The following BEND6 variants were observed in gnomAD, a reference collection of about 807,000 sequenced individuals.
BEND6 encodes the protein BEN domain-containing protein 6.
BEND6 carries 24 observed loss-of-function variants against 31.8 expected under a neutral mutation model. The ratio of observed to expected loss-of-function variants is 0.75; its 90% CI spans 0.55 to 1.06. The LOEUF (loss-of-function observed/expected upper bound fraction) is 1.06. Ranked by LOEUF, BEND6 falls within the 50% of genes least tolerant of loss-of-function variation. The pLI is 0.00. For synonymous variants in BEND6, 109 were observed against 114.6 expected (o/e 0.95, Z 0.31); for missense variants, 294 against 327.4 (o/e 0.90, Z 0.79).
At chr6:56,968,995 A>C (rs1342973772) in intron 1 of BEND6, among the ~76,000 whole-genome samples, 1 of 151,936 alleles carries the variant, frequency 6.6e-6, no homozygotes, top group African/African-American at 2.4e-5. Context: ...GAATCACTTG[A>C]ACCCAGGAGG....
In BEND6 at chr6:56,974,078, G is replaced by T. The variant is rs78263307; in HGVS notation, c.-100-7633G>T. On this transcript the variant is annotated intron_variant, in intron 1 of 6. Coordinates refer to ENST00000370746, the MANE Select transcript of BEND6 (RefSeq NM_152731.3). ...TAAACTTACAGATTATTTATTTCTG[G>T]AATTTCCCATTTAATGTTTTCAGAC... Among the ~76,000 whole-genome samples the T allele has an allele frequency of 9.4e-3, 1,431 of 152,288 alleles. 21 individuals are homozygous for T. The highest frequency in any genetic ancestry group is 0.033 in the African/African-American group (1,354 of 41,558).
At chr6:56,977,609 T>TA (rs1825926007) in intron 1 of BEND6, among the ~76,000 whole-genome samples, 2 of 152,190 alleles carry the variant, frequency 1.3e-5, no homozygotes, top group Admixed American at 1.3e-4. Flanking sequence ...TGTGTATTTT[T>TA]AAAAAATAGC....
At chr6:56,968,747 C>G (rs1483853200) in intron 1 of BEND6, among the ~76,000 whole-genome samples, 8 of 151,958 alleles carry the variant, frequency 5.3e-5, no homozygotes, top group Admixed American at 5.2e-4. Context: ...ATTGCCAGAA[C>G]AACTTGGAAA....
intron 3 of BEND6, chr6:57,008,357 A>G (rs1487216451): frequency 1.6e-6 from 1 of 633,666 alleles, no homozygotes; most frequent in Non-Finnish European, 2.8e-6. Flanking sequence ...ATCATGTTTC[A>G]TTTCTAGCTT....
rs771815863 is a variant in BEND6, at chr6:57,018,411, T to C, written c.713-10T>C. 7.0e-6 allele frequency: 11 copies of C among 1,579,448 alleles called. No individual in the cohort carries two copies. Among genetic ancestry groups the C allele is most frequent in the Non-Finnish European group, 8.6e-6 (10 of 1,169,374 alleles). Reference sequence around the variant, plus strand: ...GAAGTTTCTCATGTGTCGCTATTGGTTTTTTACAGGAGTAACAAAACAATT... The same window carrying C: ...GAAGTTTCTCATGTGTCGCTATTGGCTTTTTACAGGAGTAACAAAACAATT... On this transcript the variant is annotated splice_polypyrimidine_tract_variant and intron_variant, in intron 5 of 6. Transcript: ENST00000370746.
intron 3 of BEND6, chr6:57,004,760 A>G: frequency 9.1e-7 from 1 of 1,095,162 alleles, no homozygotes; most frequent in Admixed American, 1.7e-5. Flanking sequence ...GAGACACATC[A>G]CCTGAATGAG....
At chr6:57,020,838 T>C (rs1016022397) in intron 6 of BEND6, among the ~76,000 whole-genome samples, 1 of 149,544 alleles carries the variant, frequency 6.7e-6, no homozygotes. Context: ...CTCTTGTTTT[T>C]TTTTTTTTTT....
At chr6:57,014,168 A>G (rs2127889355) in intron 3 of BEND6, 1 of 236,940 alleles carries the variant, frequency 4.2e-6, no homozygotes, top group South Asian at 1.8e-4. Context: ...GTAATTACTG[A>G]TGGAATAAGT....
chr6:56,990,244 C>T (rs866969743), intron 2 of BEND6, among the ~76,000 whole-genome samples: 12 of 146,080 alleles, frequency 8.2e-5, no homozygotes, highest in Middle Eastern at 7.1e-3. Flanking sequence ...TTGGGCCACT[C>T]GCTTCTTTTT....
In BEND6 at chr6:57,018,448, C is replaced by G; in HGVS notation, c.740C>G (p.Thr247Arg). ...IGVTKQLFPN[T>R]DDVSIRRMIG... ...GTAACAAAACAATTATTTCCCAATACGGATGATGTTTCAATTAGGAGAATG... is the reference window on the plus strand; with the variant it reads ...GTAACAAAACAATTATTTCCCAATAGGGATGATGTTTCAATTAGGAGAATG... Residue 247 changes from threonine to arginine, a missense_variant, in exon 6 of 7, where the codon ACG becomes AGG. By Grantham distance (71) the Thr-to-Arg change is moderately conservative (BLOSUM62 -1). Transcript: ENST00000370746. The G allele has an allele frequency of 6.3e-7, 1 of 1,582,512 alleles. No individual in the cohort carries two copies. Among genetic ancestry groups the G allele is most frequent in the Non-Finnish European group, 8.5e-7 (1 of 1,169,786 alleles).
Position 57,017,337 on chromosome 6 carries a change from C to T in BEND6, c.650C>T (p.Ser217Phe). 2.8e-6 allele frequency: 4 copies of T among 1,446,620 alleles called. No individual in the cohort carries two copies. The highest frequency in any genetic ancestry group is 3.7e-6 in the Non-Finnish European group (4 of 1,095,290). The allele number at this position is 1,446,620 out of a possible 1,614,324, so 89.6% of individuals were successfully genotyped here. The change falls in exon 5 of 7, where the codon TCT (serine) becomes TTT (phenylalanine). Residue 217 changes from serine (S) to phenylalanine (F), a missense_variant. Physicochemically the swap from Ser to Phe is radical, Grantham distance 155. Coordinates refer to ENST00000370746, the MANE Select transcript of BEND6 (RefSeq NM_152731.3). ...CACAGCCTGACAGGGGCAAAATCCT[C>T]TACTTCAAGGGACAAAGCTGTAAAA... ...ATHSLTGAKS[S>F]TSRDKAVKPA...
At chr6:56,984,638 TG>T (rs1330733334) in intron 2 of BEND6, among the ~76,000 whole-genome samples, 4 of 152,246 alleles carry the variant, frequency 2.6e-5, no homozygotes, top group African/African-American at 4.8e-5. Context: ...ATTTCTTTTT[TG>T]TTCCATTGAA....
At chr6:56,997,006 A>G (rs1826742089) in intron 3 of BEND6, among the ~76,000 whole-genome samples, 1 of 152,194 alleles carries the variant, frequency 6.6e-6, no homozygotes, top group African/African-American at 2.4e-5. Context: ...CTCACTCAGT[A>G]TAAAAACTAA....
chr6:56,983,275 C>T (rs1826133917), intron 2 of BEND6, among the ~76,000 whole-genome samples: 1 of 152,144 alleles, frequency 6.6e-6, no homozygotes, highest in African/African-American at 2.4e-5. Context: ...ATCCATCACT[C>T]ACAGTTACCC....
chr6:56,971,051 A>C (rs1825671374), intron 1 of BEND6, among the ~76,000 whole-genome samples: 1 of 152,184 alleles, frequency 6.6e-6, no homozygotes, highest in Non-Finnish European at 1.5e-5. Flanking sequence ...ATTATTGTGC[A>C]ACCATCACTA....
At chr6:57,009,692 A>G (rs1827279693) in intron 3 of BEND6, 1 of 152,238 alleles carries the variant, frequency 6.6e-6, no homozygotes, top group Non-Finnish European at 1.5e-5. Context: ...AGATGTGTCA[A>G]CTAGAAGAGC....
chr6:57,015,450 T>C (rs1481351200), intron 4 of BEND6, 97 bp downstream of exon 4: 1 of 1,139,644 alleles, frequency 8.8e-7, no homozygotes, highest in Non-Finnish European at 1.2e-6. Flanking sequence ...CAGATAACTA[T>C]TGGATAAAAT....
At chr6:56,964,112 A>T (rs926601380) in intron 1 of BEND6, among the ~76,000 whole-genome samples, 1 of 151,214 alleles carries the variant, frequency 6.6e-6, no homozygotes, top group African/African-American at 2.4e-5. Context: ...TATTATTCCC[A>T]TTTCACAGAT....
intron 3 of BEND6, chr6:57,010,895 C>T: frequency 5.0e-6 from 3 of 605,462 alleles, no homozygotes; most frequent in South Asian, 1.5e-4. Context: ...AAGATAAACA[C>T]TTTGAGAAAA....
Sources: gnomAD v4.1 joint callset for allele counts (sites outside exome capture counted in the v4.1 genomes callset) on GRCh38, gnomAD v4.1.1 for gene constraint, MANE v1.5 for transcripts, NCBI Gene and HGNC (gene_info 2026-07-23, HGNC 2026-07-21) for gene names.